The following RBFOX2 variants were observed in gnomAD, a reference collection of about 807,000 sequenced individuals.
The protein encoded by RBFOX2 is RNA binding fox-1 homolog 2, also known as RNA binding protein fox-1 homolog 2.
In RBFOX2, 10 loss-of-function variants were observed where a neutral mutation model predicts 49.1. That is an observed-to-expected ratio of 0.20 (90% CI 0.13 to 0.35). RBFOX2 has a LOEUF of 0.35. Ranked by LOEUF, RBFOX2 falls within the 10% of genes least tolerant of loss-of-function variation. The pLI is 1.00. For missense variants in RBFOX2, 323 were observed against 486.9 expected (o/e 0.66, Z 3.17); for synonymous variants, 183 against 187.4 (o/e 0.98, Z 0.19).
intron 1 of RBFOX2, among the ~76,000 whole-genome samples, chr22:35,878,039 T>TAC (rs58181557): frequency 0.18 from 25,480 of 141,014 alleles, 2,443 homozygotes; most frequent in East Asian, 0.26. Flanking sequence ...CTACTACTAC[T>TAC]ACACACACAC....
At chr22:35,755,317 T>C (rs943814279) in intron 9 of RBFOX2, among the ~76,000 whole-genome samples, 2 of 152,192 alleles carry the variant, frequency 1.3e-5, no homozygotes, top group Admixed American at 1.3e-4. Context: ...GTCAATTATA[T>C]CACTTTGTCC....
At chr22:35,897,176 G>T in intron 1 of RBFOX2, 1 of 667,070 alleles carries the variant, frequency 1.5e-6, no homozygotes, top group Non-Finnish European at 2.7e-6. Context: ...CTGTGTACAG[G>T]ATTCTCTAAA....
intron 1 of RBFOX2, among the ~76,000 whole-genome samples, chr22:35,927,748 C>T (rs1381205882): frequency 6.6e-6 from 1 of 151,928 alleles, no homozygotes; most frequent in African/African-American, 2.4e-5. Context: ...GTTATAAAGT[C>T]CCAAAAATGA....
intron 1 of RBFOX2, among the ~76,000 whole-genome samples, chr22:36,027,925 C>G (rs1603469939): frequency 6.6e-6 from 1 of 152,128 alleles, no homozygotes; most frequent in Non-Finnish European, 1.5e-5. Flanking sequence ...TCCACTCCAC[C>G]CCAAGGCACT....
chr22:35,823,937 C>G (rs1400209789), intron 1 of RBFOX2, among the ~76,000 whole-genome samples: 1 of 152,076 alleles, frequency 6.6e-6, no homozygotes, highest in African/African-American at 2.4e-5. Flanking sequence ...ATCATGAGGT[C>G]AGGAGATCAA....
At chr22:35,864,288 C>T (rs1221274494) in intron 1 of RBFOX2, among the ~76,000 whole-genome samples, 1 of 152,068 alleles carries the variant, frequency 6.6e-6, no homozygotes, top group Non-Finnish European at 1.5e-5. Context: ...GTGAAATAAA[C>T]ATAGAAGGGT....
At chr22:35,955,032 C>T (rs2055387014) in intron 1 of RBFOX2, among the ~76,000 whole-genome samples, 1 of 152,206 alleles carries the variant, frequency 6.6e-6, no homozygotes, top group African/African-American at 2.4e-5. Flanking sequence ...CAAACATCAA[C>T]TCAAGCAAAA....
chr22:35,845,288 C>T (rs1314602873), upstream of RBFOX2, among the ~76,000 whole-genome samples: 1 of 152,000 alleles, frequency 6.6e-6, no homozygotes, highest in Non-Finnish European at 1.5e-5. Flanking sequence ...TTTGCCCCAA[C>T]ATTCCCCTTA....
intron 1 of RBFOX2, among the ~76,000 whole-genome samples, chr22:35,946,219 T>C (rs923251707): frequency 6.6e-6 from 1 of 152,134 alleles, no homozygotes; most frequent in Non-Finnish European, 1.5e-5. Context: ...TCAAACTAGG[T>C]AGGTATGAAA....
chr22:35,968,702 T>C (rs916958086), intron 1 of RBFOX2, among the ~76,000 whole-genome samples: 1 of 152,176 alleles, frequency 6.6e-6, no homozygotes, highest in South Asian at 2.1e-4. Context: ...TTTCATAAAA[T>C]GTACACCTAC....
chr22:35,823,208 C>A (rs775429069), intron 1 of RBFOX2, among the ~76,000 whole-genome samples: 3 of 152,206 alleles, frequency 2.0e-5, no homozygotes, highest in Non-Finnish European at 4.4e-5. Flanking sequence ...AAGGGTTTGG[C>A]AATGCCAGGT....
At chr22:35,863,412 G>C (rs375367132) in intron 1 of RBFOX2, among the ~76,000 whole-genome samples, 1 of 152,052 alleles carries the variant, frequency 6.6e-6, no homozygotes, top group East Asian at 1.9e-4. Context: ...TAACAGTACC[G>C]AAAAACAATA....
chr22:35,933,736 TC>T (rs1166793954), intron 1 of RBFOX2, among the ~76,000 whole-genome samples: 3 of 151,908 alleles, frequency 2.0e-5, no homozygotes. Context: ...GTTCTCCAGT[TC>T]CCAAGTCTAA....
intron 1 of RBFOX2, among the ~76,000 whole-genome samples, chr22:35,924,802 C>A (rs2051430082): frequency 6.6e-6 from 1 of 152,210 alleles, no homozygotes; most frequent in Admixed American, 6.5e-5. Context: ...TGAGAGAACT[C>A]TTGTTCTTAC....
At chr22:35,944,451 C>A (rs907041610) in intron 1 of RBFOX2, among the ~76,000 whole-genome samples, 1 of 151,822 alleles carries the variant, frequency 6.6e-6, no homozygotes, top group Non-Finnish European at 1.5e-5. Flanking sequence ...GTGAAATTAC[C>A]CAGAATATAG....
At chr22:35,790,538 T>C (rs1947384604) in intron 2 of RBFOX2, among the ~76,000 whole-genome samples, 2 of 151,962 alleles carry the variant, frequency 1.3e-5, no homozygotes, top group Non-Finnish European at 2.9e-5. Context: ...CTGGAAAAAA[T>C]GAAATTTAAA....
At chr22:35,932,360 A>G (rs2052530245) in intron 1 of RBFOX2, among the ~76,000 whole-genome samples, 1 of 152,214 alleles carries the variant, frequency 6.6e-6, no homozygotes, top group Admixed American at 6.5e-5. Flanking sequence ...ATACTTGTTA[A>G]GAAAAGAAAC....
At chr22:35,998,993 A>G (rs537551007) in intron 1 of RBFOX2, 1 of 152,648 alleles carries the variant, frequency 6.6e-6, no homozygotes, top group South Asian at 2.1e-4. Context: ...ATCAACAATG[A>G]TTTTAATAAG....
chr22:35,958,584 AG>A, intron 1 of RBFOX2, among the ~76,000 whole-genome samples: 1 of 152,294 alleles, frequency 6.6e-6, no homozygotes, highest in East Asian at 1.9e-4. Context: ...CCTCAGAGCA[AG>A]TCCCTGAACT....
Sources: gnomAD v4.1 joint callset for allele counts (sites outside exome capture counted in the v4.1 genomes callset) on GRCh38, gnomAD v4.1.1 for gene constraint, MANE v1.5 for transcripts, NCBI Gene and HGNC (gene_info 2026-07-23, HGNC 2026-07-21) for gene names.